ZCCHC10: variants seen among roughly 807,000 people sequenced by gnomAD.
ZCCHC10 encodes the protein zinc finger CCHC-type containing 10.
In ZCCHC10, 16 loss-of-function variants were observed where a neutral mutation model predicts 19.5. The ratio of observed to expected loss-of-function variants is 0.82; its 90% CI spans 0.56 to 1.25. ZCCHC10 has a LOEUF of 1.25. Ranked by LOEUF, ZCCHC10 falls within the 50% of genes most tolerant of loss-of-function variation. ZCCHC10 has a pLI of 0.00. For missense variants in ZCCHC10, 197 were observed against 201.0 expected, an observed-to-expected ratio of 0.98 and a Z score of 0.12; for synonymous variants, 67 against 72.5, an observed-to-expected ratio of 0.92 and a Z score of 0.38.
chr5:133,012,073 G>A (rs1039524394), intron 2 of ZCCHC10, among the ~76,000 whole-genome samples: 1 of 143,964 alleles, frequency 6.9e-6, no homozygotes, highest in African/African-American at 2.6e-5. Flanking sequence ...GGAGGCAGAG[G>A]TTGCAGTGAA....
chr5:133,011,061 G>A (rs996943889), intron 2 of ZCCHC10, among the ~76,000 whole-genome samples: 1 of 151,692 alleles, frequency 6.6e-6, no homozygotes, highest in African/African-American at 2.4e-5. Flanking sequence ...CAAAGTGTTG[G>A]GATTACAGGT....
intron 4 of ZCCHC10, among the ~76,000 whole-genome samples, chr5:132,999,538 C>G (rs1350601464): frequency 6.6e-6 from 1 of 152,108 alleles, no homozygotes; most frequent in Non-Finnish European, 1.5e-5. Context: ...TATGGCTGGC[C>G]AACAATTTCT....
intron 3 of ZCCHC10, among the ~76,000 whole-genome samples, chr5:133,005,136 A>G (rs1319334135): frequency 2.0e-5 from 3 of 151,390 alleles, no homozygotes; most frequent in African/African-American, 4.8e-5. Flanking sequence ...AGTCTCTACT[A>G]AAAATACAAA....
intron 2 of ZCCHC10, among the ~76,000 whole-genome samples, chr5:133,014,456 C>T (rs1299359750): frequency 4.6e-5 from 7 of 152,164 alleles, no homozygotes; most frequent in African/African-American, 7.2e-5. Flanking sequence ...TGAGCCACCG[C>T]GCCCAGACCT....
chr5:133,021,826 C>T (rs1185579824), intron 2 of ZCCHC10, among the ~76,000 whole-genome samples: 2 of 151,256 alleles, frequency 1.3e-5, no homozygotes, highest in Non-Finnish European at 2.9e-5. Flanking sequence ...CAGAGTCTTG[C>T]TCTGTCACCC....
At position 133,026,465 on chromosome 5, in the gene ZCCHC10, C is replaced by T. The variant is rs778561368; in HGVS notation, c.41+32G>A. 5 of 1,612,178 alleles carry T rather than the reference C, an allele frequency of 3.1e-6. No individual in the cohort carries two copies. The South Asian group carries it at 5.5e-5, about 18-fold the overall frequency. ...GACGCGCGTTTCCCCGCTCCCAGCC[C>T]TCCAGTGGACCCGAACCGGATCCTT... On this transcript the variant is annotated intron_variant, in intron 1 of 4. Coordinates refer to ENST00000509437, the MANE Select transcript of ZCCHC10 (RefSeq NM_001300816.3).
intron 2 of ZCCHC10, among the ~76,000 whole-genome samples, chr5:133,013,625 G>T (rs779833746): frequency 6.6e-6 from 1 of 152,110 alleles, no homozygotes; most frequent in Non-Finnish European, 1.5e-5. Context: ...GGGAGGCTGA[G>T]GCAGGAGAAT....
At chr5:132,999,072 C>T (rs1762603260) in intron 4 of ZCCHC10, among the ~76,000 whole-genome samples, 2 of 152,008 alleles carry the variant, frequency 1.3e-5, no homozygotes, top group South Asian at 4.1e-4. Context: ...CGCACACCGA[C>T]GCCCAGATGA....
intron 2 of ZCCHC10, among the ~76,000 whole-genome samples, chr5:133,021,413 C>T (rs1270079442): frequency 6.6e-6 from 1 of 152,128 alleles, no homozygotes; most frequent in Admixed American, 6.6e-5. Flanking sequence ...CTGAAAACTA[C>T]AAAACACTGC....
intron 3 of ZCCHC10, among the ~76,000 whole-genome samples, chr5:133,000,480 A>G (rs1234042223): frequency 2.0e-5 from 3 of 152,196 alleles, no homozygotes; most frequent in African/African-American, 7.2e-5. Flanking sequence ...AGGCTGATAT[A>G]GCTGTATCAC....
intron 1 of ZCCHC10, among the ~76,000 whole-genome samples, chr5:133,023,310 G>A (rs921000266): frequency 6.6e-6 from 1 of 152,082 alleles, no homozygotes; most frequent in Admixed American, 6.6e-5. Flanking sequence ...ATAGGTAGAT[G>A]TAAGTACAGT....
intron 4 of ZCCHC10, among the ~76,000 whole-genome samples, chr5:132,999,303 G>A (rs920061211): frequency 4.6e-5 from 7 of 152,086 alleles, no homozygotes; most frequent in African/African-American, 9.7e-5. Context: ...TTGATATTTT[G>A]GAGATTGCCT....
intron 4 of ZCCHC10, among the ~76,000 whole-genome samples, chr5:132,999,213 G>A (rs1021837744): frequency 1.3e-5 from 2 of 152,050 alleles, no homozygotes; most frequent in African/African-American, 2.4e-5. Flanking sequence ...GTGAGCCACC[G>A]CGCCCAGCCA....
intron 2 of ZCCHC10, among the ~76,000 whole-genome samples, chr5:133,013,050 C>CA (rs1179835689): frequency 3.0e-5 from 3 of 100,286 alleles, no homozygotes; most frequent in Non-Finnish European, 6.0e-5. Flanking sequence ...GACTCCGTCT[C>CA]AAAAAAAAAT....
intron 2 of ZCCHC10, among the ~76,000 whole-genome samples, chr5:133,010,044 C>G (rs1485499120): frequency 1.5e-5 from 2 of 135,882 alleles, no homozygotes; most frequent in Non-Finnish European, 3.1e-5. Flanking sequence ...AAATTTGGGT[C>G]AGCAATTTTT....
At position 132,997,979 on chromosome 5, in the gene ZCCHC10, A is replaced by T. The variant is rs1240046136; in HGVS notation, c.*604T>A. On this transcript the variant is annotated 3_prime_UTR_variant, in exon 5 of 5. Coordinates refer to ENST00000509437, the MANE Select transcript of ZCCHC10 (RefSeq NM_001300816.3). ...AAGGATAACTTGAAAAACTTAAGGA[A>T]CCAGAAGAAAATGAATGACGTAACA... 1 of 152,198 alleles carries T rather than the reference A, an allele frequency of 6.6e-6. No homozygotes were observed. Among genetic ancestry groups the T allele is most frequent in the Non-Finnish European group, 1.5e-5 (1 of 68,030 alleles). 9.4% of individuals were successfully genotyped at this position (152,198 alleles called of 1,614,324 possible). A position where few individuals can be genotyped will look rare whatever the true frequency, so the allele number is the denominator to read the frequency against.
intron 2 of ZCCHC10, among the ~76,000 whole-genome samples, chr5:133,022,360 G>A (rs1320112868): frequency 2.0e-5 from 3 of 152,018 alleles, no homozygotes; most frequent in African/African-American, 4.8e-5. Flanking sequence ...ATAATCTTAT[G>A]GGACAACCAT....
Position 132,998,575 on chromosome 5 carries a change from G to C in ZCCHC10, c.*8C>G. On this transcript the variant is annotated 3_prime_UTR_variant, in exon 5 of 5. Coordinates refer to ENST00000509437, the MANE Select transcript of ZCCHC10 (RefSeq NM_001300816.3). ...TCAGTCCATCAGTCCAATATGAATG[G>C]AGCAACTCTATTTCTTTTTCTTCTT... 1 of 1,609,866 alleles carries C rather than the reference G, an allele frequency of 6.2e-7. No homozygotes were observed. The highest frequency in any genetic ancestry group is 8.5e-7 in the Non-Finnish European group (1 of 1,178,498).
intron 2 of ZCCHC10, among the ~76,000 whole-genome samples, chr5:133,011,887 T>A (rs931905625): frequency 2.0e-5 from 3 of 152,084 alleles, no homozygotes; most frequent in African/African-American, 7.2e-5. Flanking sequence ...CCCAGCGCTC[T>A]GGGAGGCCAA....
Sources: allele counts gnomAD v4.1 joint callset (sites outside exome capture counted in the v4.1 genomes callset), GRCh38; gene constraint gnomAD v4.1.1; transcripts MANE v1.5; gene names NCBI Gene and HGNC (gene_info 2026-07-23, HGNC 2026-07-21).